Variants in ZFR observed in about 807,000 individuals in gnomAD.
ZFR encodes zinc finger RNA-binding protein.
A neutral mutation model predicts 130.7 loss-of-function variants in ZFR; 19 were observed. The observed-to-expected ratio is 0.15, with a 90% CI of 0.10 to 0.21. The LOEUF is 0.21. Among genes scored for constraint, ZFR ranks in the 10% least tolerant of loss-of-function variants. The pLI is 1.00. For synonymous variants in ZFR, 466 were observed against 456.9 expected (o/e 1.02, Z -0.25); for missense variants, 872 against 1,321.5 (o/e 0.66, Z 5.27).
intron 19 of ZFR, among the ~76,000 whole-genome samples, chr5:32,357,564 C>T (rs553028881): frequency 6.6e-6 from 1 of 152,134 alleles, no homozygotes; most frequent in African/African-American, 2.4e-5. Flanking sequence ...CCAGGGCCAG[C>T]CAACTTGTAT....
At chr5:32,383,951 T>G (rs1752984732) in intron 15 of ZFR, 3 of 334,702 alleles carry the variant, frequency 9.0e-6, no homozygotes, top group South Asian at 7.2e-5. Context: ...ATTTATGAAA[T>G]TCAGAACAAT....
intron 2 of ZFR, among the ~76,000 whole-genome samples, chr5:32,441,238 A>G (rs1290608332): frequency 6.6e-6 from 1 of 152,174 alleles, no homozygotes; most frequent in Non-Finnish European, 1.5e-5. Context: ...TAGCCTCCCA[A>G]TGTGCTGGGA....
At chr5:32,391,145 T>C (rs1753162322) in intron 11 of ZFR, among the ~76,000 whole-genome samples, 1 of 152,248 alleles carries the variant, frequency 6.6e-6, no homozygotes, top group Non-Finnish European at 1.5e-5. Context: ...TGATGAAATC[T>C]TGCGCTGTCC....
At chr5:32,361,095 G>GT (rs1189180627) in intron 19 of ZFR, among the ~76,000 whole-genome samples, 5 of 152,154 alleles carry the variant, frequency 3.3e-5, no homozygotes, top group African/African-American at 4.8e-5. Context: ...GATTACAGGC[G>GT]TGAGCCACTG....
intron 12 of ZFR, 134 bp downstream of exon 12, chr5:32,390,141 C>CAAGA (rs1753132335): frequency 1.7e-6 from 2 of 1,199,724 alleles, no homozygotes; most frequent in Non-Finnish European, 1.1e-6. Flanking sequence ...GGCGACAGAG[C>CAAGA]AAGACTCTGT....
At chr5:32,417,999 G>A (rs1255694022) in intron 3 of ZFR, among the ~76,000 whole-genome samples, 2 of 152,134 alleles carry the variant, frequency 1.3e-5, no homozygotes, top group Non-Finnish European at 1.5e-5. Context: ...GGTGGCTCAC[G>A]CCTGTAATCC....
At chr5:32,405,398 A>G (rs1000682191) in intron 6 of ZFR, among the ~76,000 whole-genome samples, 8 of 152,174 alleles carry the variant, frequency 5.3e-5, no homozygotes, top group African/African-American at 1.7e-4. Context: ...ATTTTTCGCT[A>G]AGGCTCATTA....
intron 17 of ZFR, among the ~76,000 whole-genome samples, chr5:32,377,577 T>C (rs1333048013): frequency 2.6e-5 from 4 of 152,078 alleles, no homozygotes; most frequent in Non-Finnish European, 5.9e-5. Context: ...AGGCCAATTA[T>C]TGTAAAAAGA....
chr5:32,439,287 A>G (rs1754408373), intron 2 of ZFR, among the ~76,000 whole-genome samples: 1 of 151,960 alleles, frequency 6.6e-6, no homozygotes, highest in African/African-American at 2.4e-5. Flanking sequence ...GGTTTCAAAA[A>G]CCTGTTCACC....
chr5:32,431,233 T>C (rs1410289572), intron 2 of ZFR, among the ~76,000 whole-genome samples: 2 of 152,294 alleles, frequency 1.3e-5, no homozygotes, highest in East Asian at 3.9e-4. Context: ...TCATTGACCA[T>C]ATAAAACAAG....
intron 15 of ZFR, among the ~76,000 whole-genome samples, chr5:32,385,267 G>A (rs1753020623): frequency 1.3e-5 from 2 of 151,734 alleles, no homozygotes; most frequent in Admixed American, 1.3e-4. Context: ...AGGTTAGCAA[G>A]AAAAGAAAGA....
At chr5:32,435,598 A>G (rs575425279) in intron 2 of ZFR, among the ~76,000 whole-genome samples, 46 of 152,326 alleles carry the variant, frequency 3.0e-4, no homozygotes, top group African/African-American at 1.1e-3. Context: ...CATAAATCAC[A>G]GCACTCTTTG....
At chr5:32,420,168 A>T in intron 2 of ZFR, 65 bp from the exon 3 acceptor site, 1 of 1,361,290 alleles carries the variant, frequency 7.3e-7, no homozygotes, top group Non-Finnish European at 9.6e-7. Flanking sequence ...ACCAACTTCA[A>T]TTAAAAGCTA....
At chr5:32,409,842 C>T (rs111323818) in intron 5 of ZFR, among the ~76,000 whole-genome samples, 2,869 of 151,780 alleles carry the variant, frequency 0.019, 85 homozygotes, top group African/African-American at 0.066. Context: ...CAATGGGATC[C>T]GCTCAAACCA....
chr5:32,385,719 G>A, intron 14 of ZFR, 70 bp from the exon 15 acceptor site: 1 of 1,549,262 alleles, frequency 6.5e-7, no homozygotes, highest in South Asian at 1.2e-5. Context: ...TTTCATTATG[G>A]CTCTTTCACT....
intron 15 of ZFR, 45 bp downstream of exon 15, chr5:32,385,462 GA>G (rs545935932): frequency 2.0e-5 from 31 of 1,583,940 alleles, no homozygotes; most frequent in East Asian, 9.0e-5. Context: ...GTAGATAAAT[GA>G]AAAAAAAAGT....
chr5:32,417,525 A>C, intron 4 of ZFR, 123 bp downstream of exon 4: 2 of 1,233,134 alleles, frequency 1.6e-6, no homozygotes, highest in Non-Finnish European at 2.3e-6. Context: ...ACAGGTCTAG[A>C]ACCTGCCTCC....
rs1383364379 is a variant in ZFR at position 32,354,743 on chromosome 5, G to A, written c.*1017C>T. The A allele has an allele frequency of 6.6e-6, 1 of 152,556 alleles. No homozygotes were observed. Among genetic ancestry groups the A allele is most frequent in the Non-Finnish European group, 1.5e-5 (1 of 68,022 alleles). 9.5% of individuals were successfully genotyped at this position (152,556 alleles called of 1,614,324 possible). A position where few individuals can be genotyped will look rare whatever the true frequency, so the allele number is the denominator to read the frequency against. On this transcript the variant is annotated 3_prime_UTR_variant, in exon 20 of 20. Transcript: ENST00000265069. ...TCATCTGTGTTATACTGTAATAGTT[G>A]CTAGAGTAATCTCACACACACCAAT...
At chr5:32,383,060 G>A (rs1581688415) in intron 15 of ZFR, among the ~76,000 whole-genome samples, 1 of 152,066 alleles carries the variant, frequency 6.6e-6, no homozygotes, top group Non-Finnish European at 1.5e-5. Context: ...AAGATTAAAC[G>A]TTAATGGGAA....
Sources: gnomAD v4.1 joint callset for allele counts (sites outside exome capture counted in the v4.1 genomes callset) on GRCh38, gnomAD v4.1.1 for gene constraint, MANE v1.5 for transcripts, NCBI Gene and HGNC (gene_info 2026-07-23, HGNC 2026-07-21) for gene names.